Variants in PPIL2 observed in about 807,000 individuals in gnomAD.
The protein encoded by PPIL2 is peptidylprolyl isomerase like 2.
In PPIL2, 50 loss-of-function variants were observed where a neutral mutation model predicts 75.2. That is an observed-to-expected ratio of 0.66 (90% CI 0.53 to 0.84). The LOEUF is 0.84. PPIL2 is among the 40% of genes least tolerant of loss of function. PPIL2 has a pLI of 0.00. For missense variants in PPIL2, 590 were observed against 685.0 expected (o/e 0.86, Z 1.55); for synonymous variants, 245 against 258.8 (o/e 0.95, Z 0.51).
chr22:21,675,080 C>T lies in PPIL2; in HGVS notation c.260C>T (p.Ser87Phe), dbSNP rs955759269. 4.3e-6 allele frequency: 7 copies of T among 1,612,790 alleles called. No individual in the cohort carries two copies. The Admixed American group carries it at 5.0e-5, about 12-fold the overall frequency. ...PSNGEKLDGR[S>F]LIKLNFSKNS... Reference sequence around the variant, plus strand: ...TTCTTCCAGAAGCTGGACGGGAGGTCCCTGATCAAGCTGAACTTTTCCAAG... The same window carrying T: ...TTCTTCCAGAAGCTGGACGGGAGGTTCCTGATCAAGCTGAACTTTTCCAAG... The change falls in exon 6 of 20, where the codon TCC becomes TTC. Residue 87 changes from serine (S) to phenylalanine (F), a missense_variant. Coordinates refer to ENST00000398831, the MANE Select transcript of PPIL2 (RefSeq NM_014337.4).
Position 21,687,635 on chromosome 22 carries a change from T to C in PPIL2, c.898-8T>C. 1.3e-6 allele frequency: 2 copies of C among 1,591,622 alleles called. No homozygotes were observed. Among genetic ancestry groups the C allele is most frequent in the Non-Finnish European group, 1.7e-6 (2 of 1,165,026 alleles). ...CTGCTTCATACAAGTATTGGGGCTATGTTGCAGACACCAAAAACCTGCGAA... is the reference window on the plus strand; with the variant it reads ...CTGCTTCATACAAGTATTGGGGCTACGTTGCAGACACCAAAAACCTGCGAA... On this transcript the variant is annotated splice_polypyrimidine_tract_variant and splice_region_variant and intron_variant, in intron 12 of 19. Transcript: ENST00000398831.
rs368959724 is a variant in PPIL2 at position 21,684,492 on chromosome 22, C to T, written c.554-261C>T. Among the ~76,000 whole-genome samples the T allele has an allele frequency of 3.4e-5, 5 of 145,484 alleles. No individual in the cohort carries two copies. In the South Asian group the frequency reaches 6.5e-4, roughly 19 times the overall value. ...AAAAAAAAAGAAAAAAAAAGCAAAG[C>T]GTATACTCTAAAAAGATTAGAATAT... is the stretch of plus-strand genomic sequence containing the variant. On this transcript the variant is annotated intron_variant, in intron 9 of 19. Transcript: ENST00000398831.
downstream of PPIL2, chr22:21,699,896 G>T (rs2068047605): frequency 6.6e-6 from 1 of 152,568 alleles, no homozygotes; most frequent in African/African-American, 2.4e-5. Flanking sequence ...ACCCTGTGAG[G>T]CTGTCACCTC....
chr22:21,670,946 A>T (rs1304148515), intron 3 of PPIL2, 51 bp from the exon 4 acceptor site: 1 of 1,530,316 alleles, frequency 6.5e-7, no homozygotes. Flanking sequence ...GCCAGCCCAC[A>T]TCCTGACCAG....
chr22:21,687,857 G>A, intron 13 of PPIL2, 125 bp downstream of exon 13: 1 of 1,094,570 alleles, frequency 9.1e-7, no homozygotes, highest in Non-Finnish European at 1.3e-6. Context: ...AGTCCAGTTG[G>A]TGATCCTCTG....
chr22:21,695,221 C>T, intron 19 of PPIL2, 151 bp downstream of exon 19: 4 of 1,334,624 alleles, frequency 3.0e-6, no homozygotes, highest in Non-Finnish European at 4.0e-6. Context: ...CGAGGGACTG[C>T]CTCTGAAGGC....
At chr22:21,693,779 G>A (rs758887428) in intron 15 of PPIL2, 37 bp from the exon 16 acceptor site, 1 of 1,521,716 alleles carries the variant, frequency 6.6e-7, no homozygotes, top group Admixed American at 1.7e-5. Context: ...TGCAGAAGGT[G>A]CCATGCTCTC....
At chr22:21,681,664 C>T (rs939953033) in intron 7 of PPIL2, among the ~76,000 whole-genome samples, 2 of 152,234 alleles carry the variant, frequency 1.3e-5, no homozygotes, top group South Asian at 2.1e-4. Flanking sequence ...GGTCCTTCCG[C>T]GTCTTCAGCA....
At chr22:21,688,617 C>T in intron 14 of PPIL2, 115 bp from the exon 15 acceptor site, 4 of 979,444 alleles carry the variant, frequency 4.1e-6, no homozygotes, top group Middle Eastern at 2.4e-4. Flanking sequence ...TATCAAGTGC[C>T]CCTGCCCCAG....
intron 1 of PPIL2, among the ~76,000 whole-genome samples, chr22:21,667,613 T>C (rs2066444534): frequency 6.6e-6 from 1 of 152,128 alleles, no homozygotes; most frequent in South Asian, 2.1e-4. Flanking sequence ...TTCTGGACCC[T>C]CCTCCCTTCT....
intron 15 of PPIL2, among the ~76,000 whole-genome samples, chr22:21,691,014 G>C (rs1045366377): frequency 7.5e-6 from 1 of 132,698 alleles, no homozygotes; most frequent in Admixed American, 9.0e-5. Context: ...ACCCAGGCCG[G>C]AGTGCAATGG....
intron 15 of PPIL2, among the ~76,000 whole-genome samples, chr22:21,692,348 G>A (rs760098925): frequency 2.0e-5 from 3 of 151,366 alleles, no homozygotes; most frequent in Non-Finnish European, 4.4e-5. Flanking sequence ...TAGAGATGGG[G>A]TTTCACCGTG....
Position 21,688,757 on chromosome 22 carries a change from C to T in PPIL2, c.1047C>T (p.Pro349=). ...GTGGESYWGK[P]FKDEFRPNLS... Reference sequence around the variant, plus strand: ...GTGGGGAGTCATACTGGGGGAAGCCCTTCAAAGACGAGTTCCGGCCCAACC... The same window carrying T: ...GTGGGGAGTCATACTGGGGGAAGCCTTTCAAAGACGAGTTCCGGCCCAACC... The change falls in exon 15 of 20, where the codon CCC becomes CCT. Residue 349 remains proline, a synonymous_variant. Coordinates refer to ENST00000398831, the MANE Select transcript of PPIL2 (RefSeq NM_014337.4). 1 of 1,614,226 alleles carries T rather than the reference C, an allele frequency of 6.2e-7. No homozygotes were observed. The highest frequency in any genetic ancestry group is 8.5e-7 in the Non-Finnish European group (1 of 1,180,014).
chr22:21,680,747 G>A (rs1483466166), intron 6 of PPIL2, among the ~76,000 whole-genome samples: 2 of 144,438 alleles, frequency 1.4e-5, no homozygotes, highest in African/African-American at 5.2e-5. Flanking sequence ...GGAGAATGGC[G>A]TGAACCTGGG....
At chr22:21,683,285 C>G in intron 9 of PPIL2, 28 bp downstream of exon 9, 1 of 1,572,860 alleles carries the variant, frequency 6.4e-7, no homozygotes, top group South Asian at 1.1e-5. Context: ...CTGGGCTAGG[C>G]GAGGGGGCTT....
Position 21,695,148 on chromosome 22 carries a change from A to C in PPIL2, c.1466+78A>C, listed in dbSNP as rs571715592. 5.9e-5 allele frequency: 87 copies of C among 1,471,044 alleles called. No individual in the cohort carries two copies. In the South Asian group the frequency reaches 1.1e-3, roughly 18 times the overall value. The allele number at this position is 1,471,044 out of a possible 1,614,324, so 91.1% of individuals were successfully genotyped here. ...ACTGAGGTCTGAGGGTCAGACCCAG[A>C]GGGGCAAGCAAGCTATGGGCACTGG... On this transcript the variant is annotated intron_variant, in intron 19 of 19. Transcript: ENST00000398831.
chr22:21,696,484 G>GCAT lies in PPIL2; in HGVS notation c.*997_*999dup. On this transcript the variant is annotated 3_prime_UTR_variant, in exon 20 of 20. Coordinates refer to ENST00000398831, the MANE Select transcript of PPIL2 (RefSeq NM_014337.4). ...TGACTCTGATGGCCTTGGGCCAGCT[G>GCAT]CATCAGCAGCCCTTAAAGAAAGACC... 1 of 1,237,524 alleles carries GCAT rather than the reference G, an allele frequency of 8.1e-7. No individual in the cohort carries two copies. Among genetic ancestry groups the GCAT allele is most frequent in the Non-Finnish European group, 1.0e-6 (1 of 976,508 alleles). 76.7% of individuals were successfully genotyped at this position (1,237,524 alleles called of 1,614,324 possible). A position where few individuals can be genotyped will look rare whatever the true frequency, so the allele number is the denominator to read the frequency against.
chr22:21,690,371 GACC>G (rs2067568246), intron 15 of PPIL2, among the ~76,000 whole-genome samples: 1 of 149,682 alleles, frequency 6.7e-6, no homozygotes. Flanking sequence ...GCAGCAGTGA[GACC>G]CTGTCTGGAA....
rs2067205271 is a variant in PPIL2, at chr22:21,683,194, T to G, written c.490T>G (p.Leu164Val). 2 of 1,613,532 alleles carry G rather than the reference T, an allele frequency of 1.2e-6. No homozygotes were observed. The highest frequency in any genetic ancestry group is 8.5e-7 in the Non-Finnish European group (1 of 1,179,444). ...DIITLQDPTN[L>V]DKFNVSNFYH... ...CTTTTTGCCACAGGACCCCACCAAT[T>G]TGGACAAGTTCAATGTCTCTAACTT... Residue 164 changes from leucine (L) to valine (V), a missense_variant, in exon 9 of 20, where the codon TTG becomes GTG. By Grantham distance (32) the Leu-to-Val change is conservative. Transcript: ENST00000398831.
Sources: gnomAD v4.1 joint callset for allele counts (sites outside exome capture counted in the v4.1 genomes callset) on GRCh38, gnomAD v4.1.1 for gene constraint, MANE v1.5 for transcripts, NCBI Gene and HGNC (gene_info 2026-07-23, HGNC 2026-07-21) for gene names.